The following ZNF638 variants were observed in gnomAD, a reference collection of about 807,000 sequenced individuals.
ZNF638 encodes zinc finger protein 638.
ZNF638 carries 46 observed loss-of-function variants against 195.6 expected under a neutral mutation model. That is an observed-to-expected ratio of 0.24 (90% CI 0.19 to 0.30). The LOEUF is 0.30. ZNF638 is among the 10% of genes least tolerant of loss of function. ZNF638 has a pLI of 1.00. For synonymous variants in ZNF638, 845 were observed against 772.0 expected, an observed-to-expected ratio of 1.09 and a Z score of -1.57; for missense variants, 2,440 against 2,325.3, an observed-to-expected ratio of 1.05 and a Z score of -1.01.
chr2:71,434,440 A>G (rs2080726790), intron 27 of ZNF638, among the ~76,000 whole-genome samples: 2 of 152,142 alleles, frequency 1.3e-5, no homozygotes, highest in South Asian at 2.1e-4. Flanking sequence ...CACCGCCCCC[A>G]AAGTATTTTA....
chr2:71,331,945 C>G, intron 1 of ZNF638, 70 bp downstream of exon 1: 1 of 984,658 alleles, frequency 1.0e-6, no homozygotes, highest in Non-Finnish European at 1.2e-6. Flanking sequence ...GTCCTGAGCC[C>G]TTCCTGTGAG....
chr2:71,356,371 G>A (rs2079022774), intron 3 of ZNF638, among the ~76,000 whole-genome samples: 1 of 152,168 alleles, frequency 6.6e-6, no homozygotes, highest in South Asian at 2.1e-4. Flanking sequence ...ATCTCTTGGA[G>A]TAACATCAAA....
chr2:71,399,693 TTTAACTTTTTAAGTTCA>T (rs757019406), intron 13 of ZNF638, 48 bp downstream of exon 13: 71 of 1,495,522 alleles, frequency 4.7e-5, no homozygotes, highest in Non-Finnish European at 6.4e-5. Flanking sequence ...TTTTCTTTTT[TTTAACTTTTTAAGTTCA>T]GGGGTACATG....
At chr2:71,350,397 C>T (rs1484168085) in intron 2 of ZNF638, 126 bp downstream of exon 2, 14 of 940,074 alleles carry the variant, frequency 1.5e-5, no homozygotes, top group Middle Eastern at 3.0e-4. Flanking sequence ...TTAATTGCAA[C>T]CTCAATACAT....
intron 1 of ZNF638, among the ~76,000 whole-genome samples, chr2:71,337,993 A>T (rs1338164713): frequency 6.6e-6 from 1 of 152,118 alleles, no homozygotes; most frequent in African/African-American, 2.4e-5. Context: ...TTAGATGTAG[A>T]TTATATGTCC....
intron 23 of ZNF638, among the ~76,000 whole-genome samples, chr2:71,425,882 C>T (rs2152605168): frequency 6.6e-6 from 1 of 152,196 alleles, no homozygotes; most frequent in South Asian, 2.1e-4. Context: ...CCAGGCTGGT[C>T]TCGAACTCCT....
chr2:71,426,679 A>G lies in ZNF638; in HGVS notation c.4810A>G (p.Ile1604Val), dbSNP rs2152605890. Residue 1604 changes from isoleucine (I) to valine (V), a missense_variant, in exon 24 of 28, where the codon ATT becomes GTT. Transcript: ENST00000264447. Reference sequence around the variant, plus strand: ...ACTATCTTTTGTGACATTGGATGAGATTGGGGAAGAGGAAGATGCAGCTGC... The same window carrying G: ...ACTATCTTTTGTGACATTGGATGAGGTTGGGGAAGAGGAAGATGCAGCTGC... ...GELSFVTLDE[I>V]GEEEDAAAHL... The G allele has an allele frequency of 6.2e-7, 1 of 1,614,198 alleles. No individual in the cohort carries two copies. Among genetic ancestry groups the G allele is most frequent in the South Asian group, 1.1e-5 (1 of 91,090 alleles).
rs1402686963 is a variant in ZNF638, at chr2:71,400,972, CTTATGT to C, written c.2697+459_2697+464del. ...TGAAGTTCACTTAATATATTGTTTT[CTTATGT>C]TTATATCTATTATTATTAATACATT... On this transcript the variant is annotated intron_variant, in intron 15 of 27. Transcript: ENST00000264447. 2.0e-5 allele frequency among the ~76,000 whole-genome samples: 3 copies of C among 151,960 alleles called. No homozygotes were observed. In the East Asian group the frequency reaches 5.8e-4, roughly 29 times the overall value.
intron 1 of ZNF638, among the ~76,000 whole-genome samples, chr2:71,340,173 C>G (rs958737902): frequency 2.6e-5 from 4 of 152,074 alleles, no homozygotes; most frequent in African/African-American, 9.7e-5. Context: ...TGGTGTTGCC[C>G]TTCATGATGC....
At position 71,426,454 on chromosome 2, in the gene ZNF638, C is replaced by T; in HGVS notation, c.4591-6C>T. On this transcript the variant is annotated splice_region_variant and splice_polypyrimidine_tract_variant and intron_variant, in intron 23 of 27. Transcript: ENST00000264447. ...TACAATACTATGATTTTTAACTTTC[C>T]AACAGGAGCCATTATTTCCATTTAA... 1.9e-6 allele frequency: 3 copies of T among 1,549,094 alleles called. No homozygotes were observed. The highest frequency in any genetic ancestry group is 1.3e-5 in the South Asian group (1 of 79,166).
At chr2:71,388,545 T>A (rs2079696445) in intron 10 of ZNF638, 6 of 730,304 alleles carry the variant, frequency 8.2e-6, no homozygotes, top group Non-Finnish European at 1.5e-5. Context: ...TCGGCGTCTC[T>A]AAGGCCGAGC....
At chr2:71,389,173 CAG>C (rs1031503788) in intron 10 of ZNF638, among the ~76,000 whole-genome samples, 5 of 152,094 alleles carry the variant, frequency 3.3e-5, no homozygotes, top group African/African-American at 9.7e-5. Context: ...AAAGAGGAAA[CAG>C]AGGTTTTCCC....
At chr2:71,371,619 T>A (rs1178521249) in intron 8 of ZNF638, among the ~76,000 whole-genome samples, 1 of 152,204 alleles carries the variant, frequency 6.6e-6, no homozygotes, top group Non-Finnish European at 1.5e-5. Context: ...TACCTTTTCG[T>A]GTGCCTTTTT....
chr2:71,335,304 A>G (rs758313531), intron 1 of ZNF638, among the ~76,000 whole-genome samples: 3 of 152,088 alleles, frequency 2.0e-5, no homozygotes, highest in Non-Finnish European at 4.4e-5. Context: ...ACCCGCCTAA[A>G]TTGCTGGGAT....
chr2:71,332,719 TTTGAGGTAA>T (rs2078594687), intron 1 of ZNF638: 1 of 152,152 alleles, frequency 6.6e-6, no homozygotes, highest in African/African-American at 2.4e-5. Flanking sequence ...TCTTTTGTTG[TTTGAGGTAA>T]TTGTTAATGA....
intron 17 of ZNF638, 109 bp from the exon 18 acceptor site, chr2:71,405,492 C>T (rs1350619296): frequency 3.0e-6 from 2 of 656,232 alleles, no homozygotes; most frequent in African/African-American, 3.9e-5. Flanking sequence ...TTATAAAATA[C>T]TTTGTAATGC....
At chr2:71,387,652 A>T (rs2079670323) in intron 10 of ZNF638, among the ~76,000 whole-genome samples, 1 of 56,398 alleles carries the variant, frequency 1.8e-5, no homozygotes, top group African/African-American at 6.4e-5. Context: ...GCAACAGAGC[A>T]AGACTCTCTC....
At chr2:71,429,391 T>C (rs137874404) in intron 25 of ZNF638, among the ~76,000 whole-genome samples, 46 of 152,332 alleles carry the variant, frequency 3.0e-4, no homozygotes, top group African/African-American at 1.1e-3. Context: ...TACTATTTCC[T>C]AACCAGATGT....
At chr2:71,392,219 A>G (rs919879029) in intron 10 of ZNF638, among the ~76,000 whole-genome samples, 2 of 152,146 alleles carry the variant, frequency 1.3e-5, no homozygotes, top group African/African-American at 4.8e-5. Context: ...CTGGCAGACT[A>G]TTTCAGTTCT....
Sources: allele counts gnomAD v4.1 joint callset (sites outside exome capture counted in the v4.1 genomes callset), GRCh38; gene constraint gnomAD v4.1.1; transcripts MANE v1.5; gene names NCBI Gene and HGNC (gene_info 2026-07-23, HGNC 2026-07-21).